The following GABBR2 variants were observed in gnomAD, a reference collection of about 807,000 sequenced individuals.
GABBR2 encodes the protein gamma-aminobutyric acid type B receptor subunit 2.
In GABBR2, 23 loss-of-function variants were observed where a neutral mutation model predicts 105.6. The ratio of observed to expected loss-of-function variants is 0.22; its 90% CI spans 0.16 to 0.31. The LOEUF (loss-of-function observed/expected upper bound fraction) is 0.31. Among genes scored for constraint, GABBR2 ranks in the 10% least tolerant of loss-of-function variants. The pLI is 1.00. For synonymous variants in GABBR2, 478 were observed against 499.7 expected (o/e 0.96, Z 0.58); for missense variants, 734 against 1,245.5 (o/e 0.59, Z 6.18).
chr9:98,702,687 G>T (rs886359985), intron 1 of GABBR2, among the ~76,000 whole-genome samples: 4 of 152,156 alleles, frequency 2.6e-5, no homozygotes, highest in African/African-American at 4.8e-5. Flanking sequence ...GGTATCCAAT[G>T]TCCATTTCCC....
At chr9:98,508,174 T>C (rs1389351288) in intron 3 of GABBR2, among the ~76,000 whole-genome samples, 1 of 152,124 alleles carries the variant, frequency 6.6e-6, no homozygotes, top group East Asian at 1.9e-4. Context: ...CTATAGGAAA[T>C]CAGCAATATG....
chr9:98,583,664 A>G (rs1378463956), intron 1 of GABBR2, among the ~76,000 whole-genome samples: 2 of 152,194 alleles, frequency 1.3e-5, no homozygotes, highest in Admixed American at 6.5e-5. Context: ...AAGTTAATCC[A>G]CTGTGCATGA....
At chr9:98,513,793 T>A (rs1034984036) in intron 3 of GABBR2, among the ~76,000 whole-genome samples, 50 of 152,122 alleles carry the variant, frequency 3.3e-4, no homozygotes, top group Admixed American at 1.4e-3. Context: ...ATAGGAACAC[T>A]TTTACACTGT....
At chr9:98,331,924 T>C (rs1026347296) in intron 13 of GABBR2, among the ~76,000 whole-genome samples, 23 of 152,116 alleles carry the variant, frequency 1.5e-4, no homozygotes, top group Non-Finnish European at 1.9e-4. Context: ...GTGAGGACAA[T>C]ACACATGGAC....
chr9:98,389,118 G>A, intron 9 of GABBR2, 114 bp from the exon 10 acceptor site: 1 of 842,336 alleles, frequency 1.2e-6, no homozygotes, highest in Non-Finnish European at 1.9e-6. Context: ...CTCTACACAA[G>A]GCACATCTAT....
chr9:98,325,606 T>C (rs1057255499), intron 13 of GABBR2, among the ~76,000 whole-genome samples: 4 of 152,148 alleles, frequency 2.6e-5, no homozygotes, highest in Non-Finnish European at 4.4e-5. Flanking sequence ...ACAGCAATTC[T>C]GAGGTTAGAG....
intron 2 of GABBR2, among the ~76,000 whole-genome samples, chr9:98,573,886 A>AT (rs901070900): frequency 1.1e-4 from 17 of 152,102 alleles, no homozygotes; most frequent in South Asian, 2.1e-4. Context: ...AAAAAGTAAG[A>AT]TTTTTTTTGC....
At chr9:98,352,955 G>A (rs1831425055) in intron 13 of GABBR2, among the ~76,000 whole-genome samples, 1 of 152,132 alleles carries the variant, frequency 6.6e-6, no homozygotes, top group South Asian at 2.1e-4. Flanking sequence ...ATATATTCTG[G>A]TGGGTGCTGG....
chr9:98,474,615 T>C (rs1266831918), intron 5 of GABBR2, among the ~76,000 whole-genome samples: 1 of 152,154 alleles, frequency 6.6e-6, no homozygotes, highest in African/African-American at 2.4e-5. Flanking sequence ...CATTAGGAGA[T>C]GTTGGGGAAC....
intron 4 of GABBR2, among the ~76,000 whole-genome samples, chr9:98,481,609 C>A (rs114660631): frequency 6.6e-6 from 1 of 152,168 alleles, no homozygotes; most frequent in South Asian, 2.1e-4. Context: ...TACCAACAAA[C>A]CATGGGTGGC....
chr9:98,705,377 C>G lies in GABBR2; in HGVS notation c.321+3040G>C, dbSNP rs1218937738. Among the ~76,000 whole-genome samples, 6 of 152,312 alleles carry G rather than the reference C, an allele frequency of 3.9e-5. No individual in the cohort carries two copies. In the South Asian group the frequency reaches 1.0e-3, roughly 26 times the overall value. On this transcript the variant is annotated intron_variant, in intron 1 of 18. Transcript: ENST00000259455. ...GTTGTAGGAGGCTCCTTTATTGAGA[C>G]AGATTGTCCCCAGGGACCAGATTAA... is the stretch of plus-strand genomic sequence containing the variant.
intron 2 of GABBR2, among the ~76,000 whole-genome samples, chr9:98,567,176 G>A (rs965400604): frequency 8.5e-5 from 13 of 152,164 alleles, no homozygotes; most frequent in African/African-American, 2.4e-4. Flanking sequence ...AGTGGCTGGC[G>A]GTGAAAGACG....
chr9:98,319,642 G>A (rs1212324531), intron 13 of GABBR2, among the ~76,000 whole-genome samples: 2 of 152,006 alleles, frequency 1.3e-5, no homozygotes, highest in Non-Finnish European at 2.9e-5. Flanking sequence ...GGCCATGAAT[G>A]TCCTCTAGTC....
At chr9:98,509,671 G>T in intron 3 of GABBR2, among the ~76,000 whole-genome samples, 1 of 152,120 alleles carries the variant, frequency 6.6e-6, no homozygotes, top group Non-Finnish European at 1.5e-5. Context: ...AGGGTATCAG[G>T]GATGGAAGAT....
intron 3 of GABBR2, among the ~76,000 whole-genome samples, chr9:98,517,113 G>A: frequency 6.6e-6 from 1 of 152,176 alleles, no homozygotes; most frequent in East Asian, 1.9e-4. Context: ...ATTTGCCCTT[G>A]AATAAAGGAG....
intron 17 of GABBR2, among the ~76,000 whole-genome samples, chr9:98,295,156 C>T (rs181875742): frequency 1.7e-4 from 26 of 152,330 alleles, no homozygotes. Context: ...ATCAATATTT[C>T]AATGCTTTTG....
At chr9:98,593,511 C>G in intron 1 of GABBR2, among the ~76,000 whole-genome samples, 1 of 152,118 alleles carries the variant, frequency 6.6e-6, no homozygotes, top group African/African-American at 2.4e-5. Flanking sequence ...TAGTTTCCTT[C>G]AGGGGCTGTG....
rs1564026872 is a variant in GABBR2 at position 98,349,344 on chromosome 9, G to GTTTTTTTT, written c.1893+13370_1893+13371insAAAAAAAA. Among the ~76,000 whole-genome samples, 42 of 105,502 alleles carry GTTTTTTTT rather than the reference G, an allele frequency of 4.0e-4. 8 individuals carry two copies. Among genetic ancestry groups the GTTTTTTTT allele is most frequent in the Non-Finnish European group, 5.9e-4 (33 of 55,464 alleles). The allele number at this position is 105,502 out of a possible 152,430, so 69.2% of individuals were successfully genotyped here. On this transcript the variant is annotated intron_variant, in intron 13 of 18. Coordinates refer to ENST00000259455, the MANE Select transcript of GABBR2 (RefSeq NM_005458.8). ...TTTGGTTTGCCAATATTTTGTTGAA[G>GTTTTTTTT]TTTTGTTTTTTTTTTTTTTTTTTTT...
At chr9:98,698,439 G>A (rs1830784744) in intron 1 of GABBR2, among the ~76,000 whole-genome samples, 1 of 151,974 alleles carries the variant, frequency 6.6e-6, no homozygotes, top group Non-Finnish European at 1.5e-5. Context: ...ATTCACACAG[G>A]CAAGAATTTT....
Sources: allele counts gnomAD v4.1 joint callset (sites outside exome capture counted in the v4.1 genomes callset), GRCh38; gene constraint gnomAD v4.1.1; transcripts MANE v1.5; gene names NCBI Gene and HGNC (gene_info 2026-07-23, HGNC 2026-07-21).